CCND3: variants seen among roughly 807,000 people sequenced by gnomAD.
CCND3 encodes the protein G1/S-specific cyclin-D3.
In CCND3, 9 loss-of-function variants were observed where a neutral mutation model predicts 28.7. The ratio of observed to expected loss-of-function variants is 0.31; its 90% confidence interval spans 0.19 to 0.55. The LOEUF (loss-of-function observed/expected upper bound fraction) is 0.55. CCND3 is among the 20% of genes least tolerant of loss of function. CCND3 has a pLI of 0.93. For missense variants in CCND3, 315 were observed against 385.8 expected (o/e 0.82, Z 1.54); for synonymous variants, 164 against 163.9 (o/e 1.00, Z 0.00).
chr6:42,008,692 T>A (rs943659965), intron 1 of CCND3, among the ~76,000 whole-genome samples: 1 of 152,218 alleles, frequency 6.6e-6, no homozygotes, highest in African/African-American at 2.4e-5. Flanking sequence ...AAAGGGTCTA[T>A]GTGCATGTAA....
intron 1 of CCND3, among the ~76,000 whole-genome samples, chr6:42,032,817 GC>G (rs1301938461): frequency 1.3e-5 from 2 of 152,172 alleles, no homozygotes; most frequent in Non-Finnish European, 2.9e-5. Context: ...ACAGCCAGCT[GC>G]CCTCATCTTC....
At chr6:42,042,628 G>C (rs568045416) in intron 1 of CCND3, among the ~76,000 whole-genome samples, 1 of 152,266 alleles carries the variant, frequency 6.6e-6, no homozygotes, top group South Asian at 2.1e-4. Context: ...CCAAAGTGCT[G>C]GGATTACATG....
At chr6:42,007,967 G>C (rs1446105076) in intron 1 of CCND3, among the ~76,000 whole-genome samples, 3 of 152,106 alleles carry the variant, frequency 2.0e-5, no homozygotes, top group Non-Finnish European at 4.4e-5. Context: ...GGGTGTGAAG[G>C]CTGGGGACAG....
At chr6:41,981,874 A>T (rs1582130007) in intron 1 of CCND3, among the ~76,000 whole-genome samples, 2 of 152,092 alleles carry the variant, frequency 1.3e-5, no homozygotes, top group Non-Finnish European at 2.9e-5. Flanking sequence ...AGTAGCACAC[A>T]CCTGTAGTCC....
In CCND3 at chr6:42,017,245, A is replaced by G. The variant is rs577238632; in HGVS notation, c.-46+31256T>C. 1.3e-4 allele frequency among the ~76,000 whole-genome samples: 20 copies of G among 152,318 alleles called. No individual in the cohort carries two copies. In the East Asian group the frequency reaches 3.9e-3, roughly 29 times the overall value. On this transcript the variant is annotated intron_variant, in intron 1 of 4. Coordinates refer to the CCND3 transcript ENST00000372988. ...CAGCTGTCTCCCTAATCAGGGGCCC[A>G]CAGCCTCTCCAGCAGGGAGTGGGAG...
chr6:41,988,702 T>TTTC (rs1554163806), intron 1 of CCND3, among the ~76,000 whole-genome samples: 5 of 44,242 alleles, frequency 1.1e-4, no homozygotes, highest in South Asian at 7.4e-4. Context: ...TTCTTTTCTT[T>TTTC]TTTTTTTTTT....
intron 1 of CCND3, among the ~76,000 whole-genome samples, chr6:42,001,228 C>A (rs1762999984): frequency 4.6e-5 from 3 of 64,562 alleles, no homozygotes; most frequent in Admixed American, 2.2e-4. Flanking sequence ...GAGCAAGACC[C>A]CATCTCAAAA....
intron 1 of CCND3, among the ~76,000 whole-genome samples, chr6:42,037,945 C>T (rs966324695): frequency 5.3e-5 from 8 of 150,422 alleles, no homozygotes; most frequent in Admixed American, 6.7e-5. Context: ...GCACGAGAAT[C>T]GCTTGAACCC....
intron 1 of CCND3, among the ~76,000 whole-genome samples, chr6:42,012,839 T>C (rs1331355475): frequency 2.0e-5 from 3 of 152,184 alleles, no homozygotes; most frequent in African/African-American, 4.8e-5. Context: ...CCAGATTCAT[T>C]ATATGCTATC....
rs1405455012 is a variant in CCND3 at position 42,030,390 on chromosome 6, G to A, written c.-46+18111C>T. On this transcript the variant is annotated intron_variant, in intron 1 of 4. Transcript: ENST00000372988. ...AAATATGGAGCCTTCTGGTTGTTCTGTGGAGCTGGGGATACCCCTAGATAC... is the reference window on the plus strand; with the variant it reads ...AAATATGGAGCCTTCTGGTTGTTCTATGGAGCTGGGGATACCCCTAGATAC... 2.0e-5 allele frequency among the ~76,000 whole-genome samples: 3 copies of A among 152,134 alleles called. No individual in the cohort carries two copies. The East Asian group carries it at 5.8e-4, about 29-fold the overall frequency.
intron 1 of CCND3, among the ~76,000 whole-genome samples, chr6:41,948,213 C>T (rs1173361274): frequency 6.6e-6 from 1 of 152,154 alleles, no homozygotes; most frequent in African/African-American, 2.4e-5. Flanking sequence ...CTGCTTACCA[C>T]TGATCACTAG....
chr6:41,936,313 CCCCCCA>C lies in CCND3; in HGVS notation c.712-212_712-207del. 1.5e-6 allele frequency: 1 copy of C among 656,280 alleles called. No individual in the cohort carries two copies. Among genetic ancestry groups the C allele is most frequent in the Non-Finnish European group, 2.5e-6 (1 of 393,452 alleles). 40.7% of individuals were successfully genotyped at this position (656,280 alleles called of 1,614,324 possible). The stretch of plus-strand genomic sequence containing the variant: ...GAGCAGCCCTGCATCTGACACCAAA[CCCCCCA>C]CCCCCACTCCAGCACACCACTTGGC... On this transcript the variant is annotated intron_variant, in intron 4 of 4. Coordinates refer to ENST00000372991, the MANE Select transcript of CCND3 (RefSeq NM_001760.5). The surrounding 1 kb of genome is among the most constrained non-coding windows in gnomAD (Gnocchi z 4.4).
At chr6:41,968,054 G>T (rs1204321323) in intron 1 of CCND3, among the ~76,000 whole-genome samples, 7 of 152,184 alleles carry the variant, frequency 4.6e-5, no homozygotes, top group Non-Finnish European at 1.0e-4. Flanking sequence ...AACTAAAGTG[G>T]TAGGAGAGGA....
chr6:41,935,663 G>T lies in CCND3; in HGVS notation c.*277C>A. The T allele has an allele frequency of 1.9e-6, 1 of 533,646 alleles. No individual in the cohort carries two copies. Among genetic ancestry groups the T allele is most frequent in the Non-Finnish European group, 3.4e-6 (1 of 296,374 alleles). The allele number at this position is 533,646 out of a possible 1,614,324, so 33.1% of individuals were successfully genotyped here. A position where few individuals can be genotyped will look rare whatever the true frequency, so the allele number is the denominator to read the frequency against. On this transcript the variant is annotated 3_prime_UTR_variant, in exon 5 of 5. Transcript: ENST00000372991. ...AATGCTGGTGTATGTATCCAATTCT[G>T]TCCCATCAGCCTGGCCCACCCCCAG...
At chr6:42,026,799 T>C (rs577958386) in intron 1 of CCND3, among the ~76,000 whole-genome samples, 19 of 152,284 alleles carry the variant, frequency 1.2e-4, no homozygotes, top group African/African-American at 4.6e-4. Context: ...TTCTTTCTCG[T>C]CACTTTCCTC....
At chr6:42,049,070 C>T (rs112700812), upstream of CCND3, 1 of 165,976 alleles carries the variant, frequency 6.0e-6, no homozygotes, top group East Asian at 1.9e-4. Context: ...GAGTCTCCCT[C>T]TGTCGCCCAG....
intron 1 of CCND3, among the ~76,000 whole-genome samples, chr6:41,973,464 C>G (rs993200477): frequency 3.9e-5 from 6 of 152,120 alleles, no homozygotes; most frequent in Non-Finnish European, 7.3e-5. Context: ...GAATATTGCT[C>G]TATAATAGAA....
chr6:41,945,704 G>T (rs771943072), upstream of CCND3, among the ~76,000 whole-genome samples: 1 of 152,174 alleles, frequency 6.6e-6, no homozygotes, highest in Non-Finnish European at 1.5e-5. Flanking sequence ...ACTGCTTTCA[G>T]TTCAAACCTG....
intron 1 of CCND3, among the ~76,000 whole-genome samples, chr6:41,983,818 C>T (rs550749760): frequency 5.3e-5 from 8 of 152,016 alleles, no homozygotes; most frequent in African/African-American, 1.9e-4. Flanking sequence ...GTACTCCAGC[C>T]TGGGTAACAA....
Sources: gnomAD v4.1 joint callset for allele counts (sites outside exome capture counted in the v4.1 genomes callset) on GRCh38, gnomAD v4.1.1 for gene constraint, Gnocchi (gnomAD v3.1) non-coding constraint, MANE v1.5 for transcripts, NCBI Gene and HGNC (gene_info 2026-07-23, HGNC 2026-07-21) for gene names.